The following GRIK4 variants were observed in gnomAD, a reference collection of about 807,000 sequenced individuals.
The protein encoded by GRIK4 is glutamate receptor ionotropic, kainate 4.
Under a neutral mutation model 104.9 loss-of-function variants are expected in GRIK4, and 40 were observed. The ratio of observed to expected loss-of-function variants is 0.38; its 90% CI spans 0.30 to 0.50. The LOEUF is 0.50. GRIK4 is among the 20% of genes least tolerant of loss of function. The pLI is 0.93. For missense variants in GRIK4, 1,047 were observed against 1,308.1 expected (o/e 0.80, Z 3.08); for synonymous variants, 485 against 524.9 (o/e 0.92, Z 1.04).
At chr11:120,825,537 G>A (rs575668079) in intron 6 of GRIK4, among the ~76,000 whole-genome samples, 6 of 152,282 alleles carry the variant, frequency 3.9e-5, no homozygotes, top group South Asian at 4.1e-4. Flanking sequence ...AGCTGAGGTC[G>A]GGCTTTGTCC....
chr11:120,680,239 G>T (rs1950167291), intron 3 of GRIK4, among the ~76,000 whole-genome samples: 1 of 152,124 alleles, frequency 6.6e-6, no homozygotes, highest in Non-Finnish European at 1.5e-5. Context: ...CAGCATGCCT[G>T]GCTAATTTTT....
Position 120,982,229 on chromosome 11 carries a change from AC to A in GRIK4, c.2514+6del. On this transcript the variant is annotated splice_donor_region_variant and intron_variant, in intron 20 of 20. Coordinates refer to ENST00000527524, the MANE Select transcript of GRIK4 (RefSeq NM_014619.5). Reference sequence around the variant, plus strand: ...AGACACTCAGAAGCAACTGAGGTAAACTTTCAAAGGGGTATGATCGATCGTG... The same window carrying A: ...AGACACTCAGAAGCAACTGAGGTAAATTTCAAAGGGGTATGATCGATCGTG... 1 of 1,447,042 alleles carries A rather than the reference AC, an allele frequency of 6.9e-7. No individual in the cohort carries two copies. The highest frequency in any genetic ancestry group is 9.7e-7 in the Non-Finnish European group (1 of 1,027,446). 89.6% of individuals were successfully genotyped at this position (1,447,042 alleles called of 1,614,324 possible).
chr11:120,904,944 C>T (rs999275398), intron 12 of GRIK4, among the ~76,000 whole-genome samples: 6 of 152,072 alleles, frequency 3.9e-5, no homozygotes, highest in African/African-American at 1.2e-4. Context: ...CTGATAATGC[C>T]CAGCCATTGG....
chr11:120,949,949 TGGGCTAA>T (rs145676767), intron 14 of GRIK4, among the ~76,000 whole-genome samples: 6,245 of 152,260 alleles, frequency 0.041, 438 homozygotes, highest in African/African-American at 0.14. Flanking sequence ...ATACCTCCTT[TGGGCTAA>T]GGAAAATCAA....
intron 13 of GRIK4, chr11:120,936,367 G>T: frequency 2.2e-6 from 1 of 451,102 alleles, no homozygotes; most frequent in Non-Finnish European, 4.3e-6. Context: ...GTCAAAGGAG[G>T]CCTCTTGGGT....
At chr11:120,891,616 G>C (rs1322461675) in intron 11 of GRIK4, among the ~76,000 whole-genome samples, 1 of 152,200 alleles carries the variant, frequency 6.6e-6, no homozygotes, top group East Asian at 1.9e-4. Flanking sequence ...GAGCATCTGT[G>C]ATAAGCTAGG....
chr11:120,797,860 G>A (rs774511871), intron 3 of GRIK4, among the ~76,000 whole-genome samples: 4 of 152,146 alleles, frequency 2.6e-5, no homozygotes, highest in African/African-American at 4.8e-5. Context: ...AGATTCGCAC[G>A]TTCCCTATTT....
chr11:120,675,356 T>G (rs1950082167), intron 3 of GRIK4, among the ~76,000 whole-genome samples: 1 of 152,174 alleles, frequency 6.6e-6, no homozygotes, highest in Non-Finnish European at 1.5e-5. Flanking sequence ...CAAGTCTTCA[T>G]AGCCTAGTCT....
chr11:120,629,950 G>A (rs1365589489), intron 1 of GRIK4, among the ~76,000 whole-genome samples: 1 of 152,212 alleles, frequency 6.6e-6, no homozygotes, highest in African/African-American at 2.4e-5. Flanking sequence ...TGGCAGTTGG[G>A]CTGGCAAAGC....
chr11:120,517,757 C>A (rs2136070936), intron 1 of GRIK4, among the ~76,000 whole-genome samples: 1 of 152,190 alleles, frequency 6.6e-6, no homozygotes, highest in South Asian at 2.1e-4. Flanking sequence ...CCTGTGAAGG[C>A]CCCCAGGAGG....
intron 13 of GRIK4, among the ~76,000 whole-genome samples, chr11:120,923,772 C>T (rs1196889721): frequency 6.6e-6 from 1 of 152,160 alleles, no homozygotes; most frequent in Non-Finnish European, 1.5e-5. Flanking sequence ...ACCATTCATA[C>T]TTTACTCATG....
chr11:120,967,149 A>G lies in GRIK4; in HGVS notation c.2267-46A>G, dbSNP rs933878348. On this transcript the variant is annotated intron_variant, in intron 18 of 20. Transcript: ENST00000527524. The surrounding 1 kb of genome is among the most constrained non-coding windows in gnomAD (Gnocchi z 4.2). ...GAAGGGGAGCAGAGTGACACCTAAC[A>G]GGGCATTCACAACCTGTGTCCTGGG... is the stretch of plus-strand genomic sequence containing the variant. 1 of 1,581,940 alleles carries G rather than the reference A, an allele frequency of 6.3e-7. No individual in the cohort carries two copies. Among genetic ancestry groups the G allele is most frequent in the Non-Finnish European group, 8.6e-7 (1 of 1,163,288 alleles).
intron 1 of GRIK4, among the ~76,000 whole-genome samples, chr11:120,550,590 C>T (rs1486066063): frequency 1.3e-5 from 2 of 151,982 alleles, no homozygotes; most frequent in African/African-American, 2.4e-5. Context: ...ATGTTAGAGT[C>T]GGGCAGAGGC....
chr11:120,832,921 G>A (rs772132962), intron 7 of GRIK4, among the ~76,000 whole-genome samples: 4 of 152,144 alleles, frequency 2.6e-5, no homozygotes, highest in Non-Finnish European at 4.4e-5. Flanking sequence ...GCTCCTTGGC[G>A]GCTCCCCCAA....
chr11:120,772,459 T>A (rs903617227), intron 3 of GRIK4, among the ~76,000 whole-genome samples: 1 of 152,128 alleles, frequency 6.6e-6, no homozygotes, highest in Admixed American at 6.5e-5. Context: ...GTATTGGGGA[T>A]GACAAGAGGA....
intron 14 of GRIK4, among the ~76,000 whole-genome samples, chr11:120,948,065 A>G (rs1321108853): frequency 2.0e-5 from 3 of 152,178 alleles, no homozygotes; most frequent in Non-Finnish European, 4.4e-5. Flanking sequence ...ATATCAGCAG[A>G]CAATCCATTG....
intron 3 of GRIK4, among the ~76,000 whole-genome samples, chr11:120,720,146 G>C (rs576821953): frequency 6.6e-6 from 1 of 152,108 alleles, no homozygotes; most frequent in Non-Finnish European, 1.5e-5. Context: ...TGTGTTGTGG[G>C]GGGAGGTGGT....
intron 3 of GRIK4, among the ~76,000 whole-genome samples, chr11:120,800,011 CTT>C (rs527634022): frequency 4.4e-4 from 61 of 139,422 alleles, no homozygotes; most frequent in African/African-American, 1.5e-3. Context: ...CCATGCCTGG[CTT>C]TTTTTTTTTT....
intron 6 of GRIK4, among the ~76,000 whole-genome samples, chr11:120,822,650 G>A (rs1324893003): frequency 6.6e-6 from 1 of 152,224 alleles, no homozygotes; most frequent in Non-Finnish European, 1.5e-5. Flanking sequence ...GCTGTGTTGG[G>A]CAGCACAAGT....
Sources: allele counts gnomAD v4.1 joint callset (sites outside exome capture counted in the v4.1 genomes callset), GRCh38; gene constraint gnomAD v4.1.1; non-coding constraint Gnocchi (gnomAD v3.1); transcripts MANE v1.5; gene names NCBI Gene and HGNC (gene_info 2026-07-23, HGNC 2026-07-21).